The following PALMD variants were observed in gnomAD, a reference collection of about 807,000 sequenced individuals.
PALMD encodes paralemmin-like protein.
A neutral mutation model predicts 56.2 loss-of-function variants in PALMD; 42 were observed. The ratio of observed to expected loss-of-function variants is 0.75; its 90% CI spans 0.58 to 0.97. The LOEUF is 0.97. PALMD is among the 50% of genes least tolerant of loss of function. The probability of loss-of-function intolerance (pLI) is 0.00; values close to 1 mark genes in which losing one functional copy is unlikely to be tolerated. For missense variants in PALMD, 660 were observed against 643.8 expected (o/e 1.03, Z -0.27); for synonymous variants, 242 against 222.9 (o/e 1.09, Z -0.76).
intron 1 of PALMD, among the ~76,000 whole-genome samples, chr1:99,652,694 G>GGAAAAGGAAAGAAAAGAAAAGAAAA (rs1652619952): frequency 1.2e-5 from 1 of 86,388 alleles, no homozygotes; most frequent in Non-Finnish European, 2.2e-5. Context: ...GGAAAGGAAA[G>GGAAAAGGAAAGAAAAGAAAAGAAAA]GAAAAGAAAA....
chr1:99,692,687 A>G (rs1653676077), intron 7 of PALMD, among the ~76,000 whole-genome samples: 1 of 152,178 alleles, frequency 6.6e-6, no homozygotes, highest in Admixed American at 6.5e-5. Flanking sequence ...CGTGACTTAT[A>G]AGAGACTCAA....
chr1:99,647,994 C>T (rs1398440507), intron 1 of PALMD, among the ~76,000 whole-genome samples: 1 of 152,124 alleles, frequency 6.6e-6, no homozygotes, highest in Admixed American at 6.5e-5. Flanking sequence ...ACAGAAAATC[C>T]TCATAATGTC....
chr1:99,670,994 A>G (rs1294506083), intron 3 of PALMD, among the ~76,000 whole-genome samples: 3 of 152,214 alleles, frequency 2.0e-5, no homozygotes, highest in Non-Finnish European at 4.4e-5. Context: ...TCTTATTACC[A>G]GCTAAATCAG....
chr1:99,682,681 C>T (rs764618914), intron 3 of PALMD, among the ~76,000 whole-genome samples: 1 of 151,840 alleles, frequency 6.6e-6, no homozygotes, highest in African/African-American at 2.4e-5. Context: ...AGCTTTGTCT[C>T]TATGCCCCAG....
At chr1:99,670,122 C>G (rs1653051079) in intron 3 of PALMD, among the ~76,000 whole-genome samples, 1 of 152,182 alleles carries the variant, frequency 6.6e-6, no homozygotes, top group South Asian at 2.1e-4. Flanking sequence ...TCTCCTTTCT[C>G]CAAAATCTCC....
At chr1:99,656,720 G>A (rs1448525454) in intron 1 of PALMD, among the ~76,000 whole-genome samples, 2 of 151,996 alleles carry the variant, frequency 1.3e-5, no homozygotes, top group African/African-American at 2.4e-5. Flanking sequence ...TGTAGAGTTA[G>A]TGAGAACTAA....
At chr1:99,683,050 A>G (rs867710839) in intron 3 of PALMD, among the ~76,000 whole-genome samples, 4 of 15,396 alleles carry the variant, frequency 2.6e-4, no homozygotes, top group East Asian at 3.0e-3. Flanking sequence ...GAAAGAAAGA[A>G]AGAAAGAGAG....
In PALMD at chr1:99,694,083, A is replaced by ACAT; in HGVS notation, c.*23_*25dup. 2 of 1,523,004 alleles carry ACAT rather than the reference A, an allele frequency of 1.3e-6. No individual in the cohort carries two copies. Among genetic ancestry groups the ACAT allele is most frequent in the Non-Finnish European group, 1.8e-6 (2 of 1,108,010 alleles). The allele number at this position is 1,523,004 out of a possible 1,614,324, so 94.3% of individuals were successfully genotyped here. Reference sequence around the variant, plus strand: ...TCTAAGAGTTGTACCACCTATATAAACATCCTTTGAAGAAGAAACTAAGAA... The same window carrying ACAT: ...TCTAAGAGTTGTACCACCTATATAAACATCATCCTTTGAAGAAGAAACTAAGAA... On this transcript the variant is annotated 3_prime_UTR_variant, in exon 8 of 8. Coordinates refer to ENST00000263174, the MANE Select transcript of PALMD (RefSeq NM_017734.5).
chr1:99,684,496 G>T (rs192854977), intron 3 of PALMD: 1 of 152,006 alleles, frequency 6.6e-6, no homozygotes, highest in African/African-American at 2.4e-5. Flanking sequence ...TTAAAAGAAT[G>T]AATGAATAAA....
At position 99,667,653 on chromosome 1, in the gene PALMD, G is replaced by T; in HGVS notation, c.138G>T (p.Leu46Phe). The change falls in exon 3 of 8, where the codon TTG becomes TTT. Residue 46 changes from leucine (L) to phenylalanine (F), a missense_variant. By Grantham distance (22) the Leu-to-Phe change is conservative (BLOSUM62 0). Coordinates refer to ENST00000263174, the MANE Select transcript of PALMD (RefSeq NM_017734.5). Reference protein sequence around the residue: ...LKHQHLKKKALREKWLLDGIS... With the variant: ...LKHQHLKKKAFREKWLLDGIS... ...TTTCCTGACATCAGAAAAAGGCCTT[G>T]AGGGAGAAATGGCTTCTAGATGGAA... is the stretch of plus-strand genomic sequence containing the variant. 6.2e-7 allele frequency: 1 copy of T among 1,613,318 alleles called. No individual in the cohort carries two copies. Among genetic ancestry groups the T allele is most frequent in the Non-Finnish European group, 8.5e-7 (1 of 1,179,424 alleles).
chr1:99,664,782 G>C (rs919064947), intron 2 of PALMD, among the ~76,000 whole-genome samples: 2 of 152,096 alleles, frequency 1.3e-5, no homozygotes, highest in Non-Finnish European at 2.9e-5. Context: ...TAGTCTTCAT[G>C]ACTATCCTCT....
In PALMD at chr1:99,652,581, G is replaced by C. The variant is rs1229508775; in HGVS notation, c.45+6219G>C. 2.0e-5 allele frequency among the ~76,000 whole-genome samples: 3 copies of C among 151,276 alleles called. No individual in the cohort carries two copies. The East Asian group carries it at 5.8e-4, about 29-fold the overall frequency. On this transcript the variant is annotated intron_variant, in intron 1 of 7. Transcript: ENST00000263174. ...ATTGCGTCACTGCACTCCAGCCTGGGTAACAGAGTGAGACTCCGTCAGAAA... is the reference window on the plus strand; with the variant it reads ...ATTGCGTCACTGCACTCCAGCCTGGCTAACAGAGTGAGACTCCGTCAGAAA...
At chr1:99,658,945 CAAA>C (rs762864867) in intron 1 of PALMD, among the ~76,000 whole-genome samples, 4 of 110,046 alleles carry the variant, frequency 3.6e-5, no homozygotes, top group Non-Finnish European at 2.0e-5. Context: ...GACGCTGTCT[CAAA>C]AAAAAAAAAA....
chr1:99,648,940 T>G (rs947696387), intron 1 of PALMD, among the ~76,000 whole-genome samples: 2 of 151,814 alleles, frequency 1.3e-5, no homozygotes, highest in Non-Finnish European at 2.9e-5. Context: ...ATGTGACACT[T>G]AGGCTCTCAA....
chr1:99,682,552 A>G (rs1443236744), intron 3 of PALMD, among the ~76,000 whole-genome samples: 1 of 152,110 alleles, frequency 6.6e-6, no homozygotes, highest in African/African-American at 2.4e-5. Flanking sequence ...GTCTAAAGAG[A>G]TTCTTGGGAT....
intron 3 of PALMD, chr1:99,669,213 AACTG>A (rs141675679): frequency 0.011 from 1,622 of 152,338 alleles, 28 homozygotes; most frequent in African/African-American, 0.037. Context: ...TAGCTAAAAT[AACTG>A]ACTGTTCATC....
At chr1:99,679,475 G>A (rs879508125) in intron 3 of PALMD, among the ~76,000 whole-genome samples, 6 of 151,996 alleles carry the variant, frequency 3.9e-5, no homozygotes, top group Admixed American at 6.6e-5. Context: ...GATAAAGCCC[G>A]GACTTCAATC....
intron 3 of PALMD, among the ~76,000 whole-genome samples, chr1:99,676,312 A>G (rs1294536669): frequency 3.9e-5 from 6 of 152,072 alleles, no homozygotes; most frequent in Non-Finnish European, 5.9e-5. Context: ...TTTTTTAAGG[A>G]CACCAGCCAT....
chr1:99,649,679 T>G (rs1372018742), intron 1 of PALMD, among the ~76,000 whole-genome samples: 1 of 152,182 alleles, frequency 6.6e-6, no homozygotes, highest in African/African-American at 2.4e-5. Flanking sequence ...TAATACATTT[T>G]CTTACCCCCA....
Sources: allele counts gnomAD v4.1 joint callset (sites outside exome capture counted in the v4.1 genomes callset), GRCh38; gene constraint gnomAD v4.1.1; transcripts MANE v1.5; gene names NCBI Gene and HGNC (gene_info 2026-07-23, HGNC 2026-07-21).